Variants in EYS observed in about 807,000 individuals in gnomAD.
EYS encodes EGF-like photoreceptor maintenance factor, also known as protein eyes shut homolog.
EYS carries 250 observed loss-of-function variants against 282.1 expected under a neutral mutation model. The ratio of observed to expected loss-of-function variants is 0.89; its 90% confidence interval spans 0.80 to 0.98. The LOEUF is 0.98. EYS is among the 50% of genes least tolerant of loss of function. EYS has a pLI of 0.00. For missense variants in EYS, 4,016 were observed against 3,709.0 expected, an observed-to-expected ratio of 1.08 and a Z score of -2.15; for synonymous variants, 1,355 against 1,282.9, an observed-to-expected ratio of 1.06 and a Z score of -1.20.
At chr6:64,041,735 T>C (rs1425137313) in intron 33 of EYS, among the ~76,000 whole-genome samples, 2 of 152,198 alleles carry the variant, frequency 1.3e-5, no homozygotes, top group African/African-American at 4.8e-5. Flanking sequence ...GGAATAAAAC[T>C]GTCTTTGCCT....
intron 1 of EYS, among the ~76,000 whole-genome samples, chr6:65,667,590 T>C (rs1370205574): frequency 6.6e-6 from 1 of 151,880 alleles, no homozygotes; most frequent in Non-Finnish European, 1.5e-5. Context: ...AATTCCATTC[T>C]TATCACGAAT....
At chr6:64,796,186 T>G (rs1774349474) in intron 22 of EYS, among the ~76,000 whole-genome samples, 1 of 152,210 alleles carries the variant, frequency 6.6e-6, no homozygotes, top group African/African-American at 2.4e-5. Flanking sequence ...TATTCATGTT[T>G]GCCCAATCAT....
At chr6:65,240,416 G>A (rs546250909) in intron 12 of EYS, among the ~76,000 whole-genome samples, 2 of 152,054 alleles carry the variant, frequency 1.3e-5, no homozygotes, top group African/African-American at 2.4e-5. Context: ...AGTTTTTTCA[G>A]CACTTGCCCA....
At position 65,055,996 on chromosome 6, in the gene EYS, A is replaced by AT. The variant is rs1179219192; in HGVS notation, c.2137+1617dup. On this transcript the variant is annotated intron_variant, in intron 13 of 42. Transcript: ENST00000503581. Reference sequence around the variant, plus strand: ...GGGATGGGGAGTTTTGTTCCACTTCATTAAGTTCAAAGTACCTACATAAAT... The same window carrying AT: ...GGGATGGGGAGTTTTGTTCCACTTCATTTAAGTTCAAAGTACCTACATAAAT... 2.3e-4 allele frequency among the ~76,000 whole-genome samples: 35 copies of AT among 152,192 alleles called. 1 individual carries two copies. Among genetic ancestry groups the AT allele is most frequent in the African/African-American group, 8.2e-4 (34 of 41,562 alleles).
chr6:65,576,686 A>T (rs985396322), intron 2 of EYS, among the ~76,000 whole-genome samples: 4 of 151,878 alleles, frequency 2.6e-5, no homozygotes, highest in Admixed American at 2.6e-4. Context: ...AACCCTAAAA[A>T]CTCCATCCAA....
intron 15 of EYS, 100 bp from the exon 16 acceptor site, chr6:64,912,843 T>C: frequency 1.5e-6 from 1 of 653,082 alleles, no homozygotes; most frequent in Non-Finnish European, 2.3e-6. Flanking sequence ...TGTGGTGCTT[T>C]TAAATTTATA....
In EYS at chr6:64,749,351, T is replaced by A. The variant is rs185181811; in HGVS notation, c.3443+64027A>T. Among the ~76,000 whole-genome samples, 1,414 of 152,322 alleles carry A rather than the reference T, an allele frequency of 9.3e-3. 8 individuals are homozygous for A. The highest frequency in any genetic ancestry group is 0.014 in the Non-Finnish European group (970 of 68,030). On this transcript the variant is annotated intron_variant, in intron 22 of 42. Coordinates refer to ENST00000503581, the MANE Select transcript of EYS (RefSeq NM_001142800.2). Reference sequence around the variant, plus strand: ...TAAGACCTTGTTACAACACTCAGAATTTTTTAAAAGCCTATGCCTTCTAAT... The same window carrying A: ...TAAGACCTTGTTACAACACTCAGAAATTTTTAAAAGCCTATGCCTTCTAAT...
chr6:64,151,337 A>ATT lies in EYS; in HGVS notation c.6425-69336_6425-69335insAA, dbSNP rs1774714414. Among the ~76,000 whole-genome samples the ATT allele has an allele frequency of 7.0e-5, 8 of 113,974 alleles. 1 individual carries two copies. The highest frequency in any genetic ancestry group is 4.6e-5 in the African/African-American group (1 of 21,904). 74.8% of individuals were successfully genotyped at this position (113,974 alleles called of 152,430 possible). A position where few individuals can be genotyped will look rare whatever the true frequency, so the allele number is the denominator to read the frequency against. ...TATATTTATATATATATATATATATATATATATATATATATATATATATAT... is the reference window on the plus strand; with the variant it reads ...TATATTTATATATATATATATATATATTTATATATATATATATATATATATAT... On this transcript the variant is annotated intron_variant, in intron 31 of 42. Transcript: ENST00000503581.
At chr6:64,242,976 A>G (rs1451434775) in intron 30 of EYS, among the ~76,000 whole-genome samples, 2 of 146,808 alleles carry the variant, frequency 1.4e-5, no homozygotes, top group Non-Finnish European at 3.0e-5. Context: ...TAAATTAAAT[A>G]CATAAATATT....
intron 35 of EYS, among the ~76,000 whole-genome samples, chr6:63,913,184 A>C (rs1764321984): frequency 6.6e-6 from 1 of 152,202 alleles, no homozygotes; most frequent in African/African-American, 2.4e-5. Context: ...TAAATGTCTC[A>C]GTTGTTTTAG....
rs77607413 is a variant in EYS, at chr6:65,287,932, G to A, written c.2023+7931C>T. ...ATTCTATTTGGTTAGATTAGCCTTC[G>A]GTACACTCAAAGTCCAGGGATCAAA... is the stretch of plus-strand genomic sequence containing the variant. On this transcript the variant is annotated intron_variant, in intron 12 of 42. Transcript: ENST00000503581. Among the ~76,000 whole-genome samples the A allele has an allele frequency of 6.8e-3, 1,033 of 150,936 alleles. 18 individuals carry two copies. Among genetic ancestry groups the A allele is most frequent in the African/African-American group, 0.024 (991 of 41,334 alleles).
At chr6:64,310,867 G>A (rs1008632223) in intron 29 of EYS, among the ~76,000 whole-genome samples, 9 of 152,076 alleles carry the variant, frequency 5.9e-5, no homozygotes, top group South Asian at 2.1e-4. Flanking sequence ...CTGGAACCAC[G>A]TTGAATTTAT....
intron 31 of EYS, among the ~76,000 whole-genome samples, chr6:64,202,966 A>T (rs1765507952): frequency 6.6e-6 from 1 of 152,156 alleles, no homozygotes; most frequent in African/African-American, 2.4e-5. Flanking sequence ...TGAGAAAACA[A>T]ATTTGTTGCT....
chr6:65,401,485 T>A (rs935303193), intron 7 of EYS, among the ~76,000 whole-genome samples: 5 of 151,682 alleles, frequency 3.3e-5, no homozygotes, highest in Non-Finnish European at 5.9e-5. Context: ...AAATTAAAAG[T>A]AAATATTTTT....
At chr6:65,599,380 T>C (rs1030254437) in intron 2 of EYS, among the ~76,000 whole-genome samples, 1 of 152,068 alleles carries the variant, frequency 6.6e-6, no homozygotes, top group Non-Finnish European at 1.5e-5. Flanking sequence ...TGGGCCCACA[T>C]TTATCTCTAT....
At chr6:65,171,445 T>C (rs1765103261) in intron 12 of EYS, among the ~76,000 whole-genome samples, 1 of 151,684 alleles carries the variant, frequency 6.6e-6, no homozygotes, top group Non-Finnish European at 1.5e-5. Flanking sequence ...AACTTTTATG[T>C]CACAAAGTCC....
chr6:65,274,364 T>A (rs1239791390), intron 12 of EYS, among the ~76,000 whole-genome samples: 1 of 152,188 alleles, frequency 6.6e-6, no homozygotes, highest in Non-Finnish European at 1.5e-5. Flanking sequence ...GACAGATGGA[T>A]CTTGGAGAAT....
At chr6:64,895,701 G>T (rs1411925964) in intron 18 of EYS, among the ~76,000 whole-genome samples, 1 of 152,114 alleles carries the variant, frequency 6.6e-6, no homozygotes, top group Non-Finnish European at 1.5e-5. Context: ...GTGAGTGAAA[G>T]ATGAACTTAA....
At chr6:64,199,213 A>G (rs181066800) in intron 31 of EYS, among the ~76,000 whole-genome samples, 1 of 152,348 alleles carries the variant, frequency 6.6e-6, no homozygotes, top group African/African-American at 2.4e-5. Context: ...CAAAAATAGC[A>G]TGGTACTGGT....
Sources: allele counts gnomAD v4.1 joint callset (sites outside exome capture counted in the v4.1 genomes callset), GRCh38; gene constraint gnomAD v4.1.1; transcripts MANE v1.5; gene names NCBI Gene and HGNC (gene_info 2026-07-23, HGNC 2026-07-21).